Variants in EMC3 observed in about 807,000 individuals in gnomAD.
EMC3 encodes ER membrane protein complex subunit 3.
A neutral mutation model predicts 36.6 loss-of-function variants in EMC3; 13 were observed. That is an observed-to-expected ratio of 0.35 (90% CI 0.23 to 0.56). The LOEUF is 0.56. Among genes scored for constraint, EMC3 ranks in the 20% least tolerant of loss-of-function variants. The pLI is 0.84. For synonymous variants in EMC3, 120 were observed against 111.9 expected (o/e 1.07, Z -0.46); for missense variants, 220 against 324.5 (o/e 0.68, Z 2.47).
At chr3:9,990,437 C>T (rs80229933), upstream of EMC3, among the ~76,000 whole-genome samples, 18,241 of 149,150 alleles carry the variant, frequency 0.12, 1,993 homozygotes, top group African/African-American at 0.3. Flanking sequence ...CGGGTTCAAG[C>T]GATCCCCCCA....
chr3:10,008,794 G>A (rs935294645), intron 1 of EMC3: 1 of 244,532 alleles, frequency 4.1e-6, no homozygotes, highest in Non-Finnish European at 8.3e-6. Context: ...CACCCCTACT[G>A]GAACAGGGAC....
At chr3:9,975,816 A>G (rs1274009498) in intron 3 of EMC3, among the ~76,000 whole-genome samples, 19 of 61,164 alleles carry the variant, frequency 3.1e-4, no homozygotes, top group African/African-American at 7.6e-4. Flanking sequence ...CTTTCTGAAG[A>G]AAAAAAAAAA....
chr3:9,990,325 C>CTCTCTTTTT (rs756491768), upstream of EMC3, among the ~76,000 whole-genome samples: 10 of 88,704 alleles, frequency 1.1e-4, no homozygotes, highest in African/African-American at 4.7e-4. Flanking sequence ...GGGCCTTTCT[C>CTCTCTTTTT]TTTTTTTTTT....
rs778227570 is a variant in EMC3, at chr3:9,962,836, TA to T, written c.*1232del. 1 of 152,222 alleles carries T rather than the reference TA, an allele frequency of 6.6e-6. No individual in the cohort carries two copies. Among genetic ancestry groups the T allele is most frequent in the Non-Finnish European group, 1.5e-5 (1 of 68,026 alleles). The allele number at this position is 152,222 out of a possible 1,614,324, so 9.4% of individuals were successfully genotyped here. On this transcript the variant is annotated 3_prime_UTR_variant, in exon 8 of 8. Transcript: ENST00000245046. ...AGACAGAATTATTCTTGGGCACCCTTATCTGTGTGTCTACCAACAACTGCCG... is the reference window on the plus strand; with the variant it reads ...AGACAGAATTATTCTTGGGCACCCTTTCTGTGTGTCTACCAACAACTGCCG...
intron 1 of EMC3, among the ~76,000 whole-genome samples, chr3:9,999,140 G>T (rs2086167014): frequency 6.6e-6 from 1 of 152,096 alleles, no homozygotes; most frequent in Non-Finnish European, 1.5e-5. Flanking sequence ...TCCCTTATCA[G>T]ACATATGATT....
At chr3:9,998,544 C>G (rs866798312) in intron 1 of EMC3, among the ~76,000 whole-genome samples, 3 of 151,754 alleles carry the variant, frequency 2.0e-5, no homozygotes, top group East Asian at 3.9e-4. Flanking sequence ...GTCTTCCCTC[C>G]TCAGCCTCTT....
chr3:9,987,229 A>G (rs559629290), upstream of EMC3: 490 of 984,460 alleles, frequency 5.0e-4, no homozygotes, highest in African/African-American at 1.2e-3. Context: ...AAAAAAAAAA[A>G]AAAGAAAGAA....
chr3:9,993,873 A>C (rs7614810), intron 1 of EMC3, among the ~76,000 whole-genome samples: 23 of 128,368 alleles, frequency 1.8e-4, no homozygotes, highest in African/African-American at 5.8e-4. Flanking sequence ...GTGTGATTGC[A>C]TGAGGAAACC....
At chr3:9,970,789 C>CA (rs2085777408) in intron 5 of EMC3, 128 bp from the exon 6 acceptor site, 2 of 764,192 alleles carry the variant, frequency 2.6e-6, no homozygotes, top group East Asian at 5.2e-5. Context: ...TATATTCATC[C>CA]AAAGCACAAC....
At chr3:9,969,903 G>C (rs970481952) in intron 6 of EMC3, 102 bp from the exon 7 acceptor site, 2 of 1,502,196 alleles carry the variant, frequency 1.3e-6, no homozygotes, top group Admixed American at 2.3e-5. Flanking sequence ...CTGGACTACA[G>C]CCTCACTGGC....
intron 1 of EMC3, among the ~76,000 whole-genome samples, chr3:9,995,123 T>C (rs780353389): frequency 1.3e-5 from 2 of 152,216 alleles, no homozygotes; most frequent in Non-Finnish European, 2.9e-5. Flanking sequence ...TTATGACTTA[T>C]GGAGTGACGG....
At chr3:10,007,300 C>T (rs1451302355) in intron 1 of EMC3, 1 of 1,279,242 alleles carries the variant, frequency 7.8e-7, no homozygotes, top group Non-Finnish European at 1.0e-6. Context: ...TGAACATTTT[C>T]AGAAGGACCA....
At chr3:9,989,506 G>T (rs1035268231), upstream of EMC3, among the ~76,000 whole-genome samples, 19 of 152,230 alleles carry the variant, frequency 1.2e-4, no homozygotes, top group African/African-American at 4.3e-4. Flanking sequence ...AGTTCCTTAG[G>T]TGCTGATTGG....
intron 1 of EMC3, among the ~76,000 whole-genome samples, chr3:9,993,816 T>G (rs994356398): frequency 2.7e-5 from 4 of 147,948 alleles, no homozygotes; most frequent in African/African-American, 1.0e-4. Context: ...TTGAACCTTA[T>G]AGACCAACTT....
rs143996683 is a variant in EMC3, at chr3:10,003,174, T to C, written c.-242+7849A>G. ...TGGCCTTCTCCACCAAGAGCACCAG[T>C]AGCAGTGGCAGAGACCCAGAAATGT... On this transcript the variant is annotated intron_variant, in intron 1 of 8. Transcript: ENST00000470827. 1,331 of 456,192 alleles carry C rather than the reference T, an allele frequency of 2.9e-3. 9 individuals carry two copies. Among genetic ancestry groups the C allele is most frequent in the Middle Eastern group, 0.02 (63 of 3,076 alleles). The allele number at this position is 456,192 out of a possible 1,614,324, so 28.3% of individuals were successfully genotyped here. A position where few individuals can be genotyped will look rare whatever the true frequency, so the allele number is the denominator to read the frequency against.
chr3:9,970,373 C>T (rs2085772850), intron 6 of EMC3, among the ~76,000 whole-genome samples: 1 of 152,196 alleles, frequency 6.6e-6, no homozygotes, highest in Non-Finnish European at 1.5e-5. Flanking sequence ...AATCAAAATA[C>T]TGTCCCAGTC....
chr3:10,007,063 T>C (rs2086270631), intron 1 of EMC3: 1 of 306,316 alleles, frequency 3.3e-6, no homozygotes, highest in Admixed American at 4.7e-5. Flanking sequence ...TTGCACCCTC[T>C]TTGCACAGAA....
At chr3:9,983,613 A>G (rs58601479) in intron 1 of EMC3, among the ~76,000 whole-genome samples, 1 of 152,168 alleles carries the variant, frequency 6.6e-6, no homozygotes, top group African/African-American at 2.4e-5. Flanking sequence ...CAGAGGTTGC[A>G]GTGAGCCAAG....
intron 7 of EMC3, among the ~76,000 whole-genome samples, chr3:9,967,111 T>G (rs1267505775): frequency 6.6e-6 from 1 of 152,226 alleles, no homozygotes; most frequent in African/African-American, 2.4e-5. Flanking sequence ...CTCTGTGAAT[T>G]TTCCTATTCC....
Sources: gnomAD v4.1 joint callset for allele counts (sites outside exome capture counted in the v4.1 genomes callset) on GRCh38, gnomAD v4.1.1 for gene constraint, MANE v1.5 for transcripts, NCBI Gene and HGNC (gene_info 2026-07-23, HGNC 2026-07-21) for gene names.